The following KCNQ5 variants were observed in gnomAD, a reference collection of about 807,000 sequenced individuals.
The protein encoded by KCNQ5 is potassium voltage-gated channel subfamily Q member 5, also known as potassium voltage-gated channel subfamily KQT member 5.
KCNQ5 carries 30 observed loss-of-function variants against 98.2 expected under a neutral mutation model. That is an observed-to-expected ratio of 0.31 (90% CI 0.23 to 0.41). The LOEUF (loss-of-function observed/expected upper bound fraction) is 0.41, where lower values mean the gene tolerates loss of function less well. Among genes scored for constraint, KCNQ5 ranks in the 10% least tolerant of loss-of-function variants. The pLI is 1.00. For missense variants in KCNQ5, 835 were observed against 1,182.5 expected, an observed-to-expected ratio of 0.71 and a Z score of 4.31; for synonymous variants, 458 against 449.4, an observed-to-expected ratio of 1.02 and a Z score of -0.24.
intron 1 of KCNQ5, among the ~76,000 whole-genome samples, chr6:72,985,155 A>G (rs1163205609): frequency 1.3e-5 from 2 of 152,208 alleles, no homozygotes; most frequent in African/African-American, 4.8e-5. Flanking sequence ...GCAGTGAGCT[A>G]TGATCTGGCC....
intron 1 of KCNQ5, among the ~76,000 whole-genome samples, chr6:72,734,854 G>T (rs901824642): frequency 1.1e-4 from 17 of 152,232 alleles, no homozygotes; most frequent in African/African-American, 3.1e-4. Flanking sequence ...AATTTTCTCA[G>T]CTATAAAATC....
intron 1 of KCNQ5, among the ~76,000 whole-genome samples, chr6:72,816,318 C>A (rs1775507595): frequency 6.6e-6 from 1 of 152,168 alleles, no homozygotes; most frequent in African/African-American, 2.4e-5. Context: ...CAAGTAGAAG[C>A]AATGAGCATA....
chr6:72,873,804 ATAATAATT>A (rs1286187733), intron 1 of KCNQ5, among the ~76,000 whole-genome samples: 3 of 152,098 alleles, frequency 2.0e-5, no homozygotes, highest in African/African-American at 7.2e-5. Context: ...ACATTCTAAG[ATAATAATT>A]TAATATATAT....
chr6:73,067,052 T>G (rs1350190409), intron 3 of KCNQ5, among the ~76,000 whole-genome samples: 1 of 152,182 alleles, frequency 6.6e-6, no homozygotes, highest in Non-Finnish European at 1.5e-5. Context: ...TATAATATTT[T>G]CGCTAAATTT....
At chr6:72,810,390 G>A (rs1481058564) in intron 1 of KCNQ5, among the ~76,000 whole-genome samples, 1 of 152,178 alleles carries the variant, frequency 6.6e-6, no homozygotes, top group Non-Finnish European at 1.5e-5. Context: ...GAGCTAATAG[G>A]ACATTTTATT....
At chr6:72,723,679 TGATCATATAAATAGTTTG>T (rs1770099509) in intron 1 of KCNQ5, among the ~76,000 whole-genome samples, 1 of 152,064 alleles carries the variant, frequency 6.6e-6, no homozygotes, top group Non-Finnish European at 1.5e-5. Flanking sequence ...TCATCACAGG[TGATCATATAAATAGTTTG>T]GTACCTTAAG....
chr6:73,188,937 C>T (rs1477623593), intron 11 of KCNQ5, among the ~76,000 whole-genome samples: 2 of 136,934 alleles, frequency 1.5e-5, no homozygotes, highest in Admixed American at 1.6e-4. Flanking sequence ...GAGCTGAGAT[C>T]ATGCCATTGC....
chr6:73,049,548 T>C (rs946921399), intron 3 of KCNQ5, among the ~76,000 whole-genome samples: 3 of 152,190 alleles, frequency 2.0e-5, no homozygotes, highest in Non-Finnish European at 2.9e-5. Flanking sequence ...CTGCCTCTTG[T>C]TAGAGTCAAA....
At chr6:72,854,779 T>TGTGC (rs1777456343) in intron 1 of KCNQ5, among the ~76,000 whole-genome samples, 1 of 146,496 alleles carries the variant, frequency 6.8e-6, no homozygotes, top group South Asian at 2.2e-4. Context: ...TGTGTGTGTG[T>TGTGC]GTGTGCGTGC....
At chr6:72,931,390 G>A (rs1198091447) in intron 1 of KCNQ5, among the ~76,000 whole-genome samples, 2 of 151,952 alleles carry the variant, frequency 1.3e-5, no homozygotes, top group African/African-American at 4.8e-5. Context: ...TCAAATTTCA[G>A]GATATCTGGT....
chr6:73,180,710 A>G (rs545333510), intron 11 of KCNQ5, among the ~76,000 whole-genome samples: 1 of 152,336 alleles, frequency 6.6e-6, no homozygotes, highest in South Asian at 2.1e-4. Context: ...GCCCTGGAAC[A>G]ATTAAAACAG....
chr6:73,113,895 G>A (rs1179681955), intron 7 of KCNQ5, among the ~76,000 whole-genome samples: 1 of 152,192 alleles, frequency 6.6e-6, no homozygotes, highest in African/African-American at 2.4e-5. Context: ...AGGTAACAAT[G>A]AAGTAAAATC....
chr6:73,063,498 A>C (rs777147276), intron 3 of KCNQ5, among the ~76,000 whole-genome samples: 29 of 152,128 alleles, frequency 1.9e-4, no homozygotes, highest in Non-Finnish European at 3.8e-4. Context: ...GCAATACATA[A>C]AAGTAAATAT....
chr6:73,171,791 A>G (rs1004128149), intron 11 of KCNQ5, among the ~76,000 whole-genome samples: 1 of 152,210 alleles, frequency 6.6e-6, no homozygotes. Context: ...AAGGTGGGAC[A>G]ATTCAGTCCA....
At chr6:73,161,594 A>G (rs1009548145) in intron 10 of KCNQ5, among the ~76,000 whole-genome samples, 2 of 152,256 alleles carry the variant, frequency 1.3e-5, no homozygotes, top group African/African-American at 4.8e-5. Context: ...AAAAAAATGT[A>G]CATCTATGTA....
intron 2 of KCNQ5, among the ~76,000 whole-genome samples, chr6:73,023,299 C>T (rs1439159858): frequency 6.6e-6 from 1 of 152,100 alleles, no homozygotes; most frequent in Non-Finnish European, 1.5e-5. Flanking sequence ...ACTAAGAACA[C>T]ATGGTGTTCG....
chr6:72,852,297 A>G (rs1189622668), intron 1 of KCNQ5, among the ~76,000 whole-genome samples: 1 of 152,142 alleles, frequency 6.6e-6, no homozygotes, highest in Non-Finnish European at 1.5e-5. Context: ...CATCAAAGAT[A>G]TATCTACTCT....
chr6:72,640,398 G>A (rs544230781), intron 1 of KCNQ5, among the ~76,000 whole-genome samples: 1 of 150,520 alleles, frequency 6.6e-6, no homozygotes, highest in East Asian at 1.9e-4. Flanking sequence ...CTTCAGAGGA[G>A]GAAATGCTGC....
chr6:72,967,425 GAA>G (rs1767672649), intron 1 of KCNQ5, among the ~76,000 whole-genome samples: 1 of 152,078 alleles, frequency 6.6e-6, no homozygotes, highest in Non-Finnish European at 1.5e-5. Context: ...AATCAGTGAG[GAA>G]AATGTATGGT....
Sources: gnomAD v4.1 joint callset for allele counts (sites outside exome capture counted in the v4.1 genomes callset) on GRCh38, gnomAD v4.1.1 for gene constraint, MANE v1.5 for transcripts, NCBI Gene and HGNC (gene_info 2026-07-23, HGNC 2026-07-21) for gene names.